Variants in TANK observed in about 807,000 individuals in gnomAD.
The protein encoded by TANK is TRAF family member associated NFKB activator.
Under a neutral mutation model 43.6 loss-of-function variants are expected in TANK, and 15 were observed. The observed-to-expected ratio is 0.34, with a 90% confidence interval of 0.23 to 0.53. The LOEUF (loss-of-function observed/expected upper bound fraction) is 0.53, where lower values mean the gene tolerates loss of function less well. TANK is among the 20% of genes least tolerant of loss of function. TANK has a pLI of 0.94. For synonymous variants in TANK, 162 were observed against 178.2 expected (o/e 0.91, Z 0.73); for missense variants, 417 against 498.6 (o/e 0.84, Z 1.56).
intron 2 of TANK, among the ~76,000 whole-genome samples, chr2:161,185,347 T>A (rs1685608163): frequency 6.6e-6 from 1 of 151,932 alleles, no homozygotes; most frequent in Non-Finnish European, 1.5e-5. Context: ...GGCAGTTAAG[T>A]TGAGTGGGAA....
intron 1 of TANK, among the ~76,000 whole-genome samples, chr2:161,154,039 CA>C (rs1684153363): frequency 6.6e-6 from 1 of 152,158 alleles, no homozygotes; most frequent in Non-Finnish European, 1.5e-5. Context: ...TCTCTAATAT[CA>C]GTCATAATGG....
intron 3 of TANK, among the ~76,000 whole-genome samples, chr2:161,203,967 C>T (rs1243512061): frequency 3.3e-5 from 5 of 152,066 alleles, no homozygotes; most frequent in Non-Finnish European, 5.9e-5. Context: ...ATGTGTATCA[C>T]AGTATAATGT....
intron 4 of TANK, chr2:161,207,343 A>T: frequency 1.1e-6 from 1 of 936,234 alleles, no homozygotes; most frequent in Non-Finnish European, 1.3e-6. Flanking sequence ...TCTCTTAATT[A>T]TCTTTACTAA....
chr2:161,156,702 T>C (rs1481736393), upstream of TANK, among the ~76,000 whole-genome samples: 2 of 152,214 alleles, frequency 1.3e-5, no homozygotes, highest in Non-Finnish European at 1.5e-5. Flanking sequence ...GGAAGACATA[T>C]AGACATGCAC....
At chr2:161,214,009 C>G (rs898116108) in intron 4 of TANK, among the ~76,000 whole-genome samples, 1 of 151,730 alleles carries the variant, frequency 6.6e-6, no homozygotes, top group Non-Finnish European at 1.5e-5. Context: ...GTAGATCTTG[C>G]AAATGTTGAC....
chr2:161,161,233 G>A (rs995248808), intron 1 of TANK: 30 of 1,544,990 alleles, frequency 1.9e-5, no homozygotes, highest in Admixed American at 1.8e-4. Flanking sequence ...GCTATAACGA[G>A]CAAAAGTAAA....
At chr2:161,167,559 C>T (rs1684739332) in intron 1 of TANK, among the ~76,000 whole-genome samples, 1 of 152,154 alleles carries the variant, frequency 6.6e-6, no homozygotes, top group Admixed American at 6.5e-5. Context: ...GGACACACTT[C>T]CAGGTTGCCT....
intron 7 of TANK, 75 bp from the exon 8 acceptor site, chr2:161,235,267 A>C: frequency 7.5e-7 from 1 of 1,339,480 alleles, no homozygotes; most frequent in Non-Finnish European, 1.0e-6. Context: ...TAACTCATTC[A>C]GAAATTCAAA....
chr2:161,234,628 A>G (rs987584181), intron 7 of TANK, among the ~76,000 whole-genome samples: 1 of 152,218 alleles, frequency 6.6e-6, no homozygotes, highest in African/African-American at 2.4e-5. Context: ...TAACCAGGCA[A>G]CTATTGACGA....
intron 2 of TANK, among the ~76,000 whole-genome samples, chr2:161,188,666 C>T (rs1685775498): frequency 6.6e-6 from 1 of 152,098 alleles, no homozygotes; most frequent in Non-Finnish European, 1.5e-5. Context: ...ACTTCCTTAC[C>T]CATTCTATGA....
chr2:161,171,783 CAT>C (rs1310024967), intron 1 of TANK, among the ~76,000 whole-genome samples: 1 of 152,192 alleles, frequency 6.6e-6, no homozygotes, highest in African/African-American at 2.4e-5. Flanking sequence ...CTCGTTAACT[CAT>C]AAGATTTTAA....
At chr2:161,140,000 C>A (rs909191159) in intron 1 of TANK, 3 of 853,346 alleles carry the variant, frequency 3.5e-6, no homozygotes, top group African/African-American at 1.8e-5. Context: ...TTTTAATATT[C>A]ATATTCAAAA....
intron 2 of TANK, among the ~76,000 whole-genome samples, chr2:161,181,109 G>A (rs561477787): frequency 6.6e-6 from 1 of 152,234 alleles, no homozygotes; most frequent in Admixed American, 6.5e-5. Context: ...TTCTCACACT[G>A]CTATACACTG....
chr2:161,185,887 C>A (rs531191650), intron 2 of TANK, among the ~76,000 whole-genome samples: 1 of 152,062 alleles, frequency 6.6e-6, no homozygotes, highest in Admixed American at 6.5e-5. Flanking sequence ...TAATTCATGC[C>A]TTTTTACAAT....
intron 1 of TANK, among the ~76,000 whole-genome samples, chr2:161,144,908 C>G (rs980180315): frequency 1.3e-5 from 2 of 151,980 alleles, no homozygotes; most frequent in African/African-American, 4.8e-5. Flanking sequence ...GTTAAAGTCT[C>G]CCACTATTAT....
chr2:161,161,216 T>C (rs1289280601), intron 1 of TANK: 5 of 1,529,860 alleles, frequency 3.3e-6, no homozygotes, highest in African/African-American at 1.4e-5. Flanking sequence ...TGTGCCTTTA[T>C]TGTTATGCTA....
At chr2:161,191,134 T>C (rs563788059) in intron 2 of TANK, among the ~76,000 whole-genome samples, 42 of 152,330 alleles carry the variant, frequency 2.8e-4, no homozygotes, top group African/African-American at 1.0e-3. Flanking sequence ...GAAGTTTTTC[T>C]TTGAGAAGTC....
chr2:161,206,281 G>A (rs1329969153), intron 4 of TANK, among the ~76,000 whole-genome samples: 2 of 152,122 alleles, frequency 1.3e-5, no homozygotes, highest in Admixed American at 6.6e-5. Flanking sequence ...TATTTTTAAT[G>A]AGATGAGTTG....
At chr2:161,161,523 C>G (rs1425966660) in intron 1 of TANK, 1 of 1,480,276 alleles carries the variant, frequency 6.8e-7, no homozygotes, top group Non-Finnish European at 9.0e-7. Context: ...TGAAATCCTT[C>G]TCAGTCCTCT....
Sources: allele counts gnomAD v4.1 joint callset (sites outside exome capture counted in the v4.1 genomes callset), GRCh38; gene constraint gnomAD v4.1.1; transcripts MANE v1.5; gene names NCBI Gene and HGNC (gene_info 2026-07-23, HGNC 2026-07-21).